The following SPIDR variants were observed in gnomAD, a reference collection of about 807,000 sequenced individuals.
SPIDR encodes the protein DNA repair-scaffolding protein.
SPIDR carries 93 observed loss-of-function variants against 104.6 expected under a neutral mutation model. The observed-to-expected ratio is 0.89, with a 90% confidence interval of 0.75 to 1.06. SPIDR has a LOEUF of 1.06. Among genes scored for constraint, SPIDR ranks in the 50% least tolerant of loss-of-function variants. SPIDR has a pLI of 0.00. For synonymous variants in SPIDR, 431 were observed against 416.9 expected (o/e 1.03, Z -0.41); for missense variants, 1,154 against 1,111.2 (o/e 1.04, Z -0.55).
intron 5 of SPIDR, among the ~76,000 whole-genome samples, chr8:47,369,835 T>C (rs1402287397): frequency 6.6e-6 from 1 of 152,200 alleles, no homozygotes; most frequent in African/African-American, 2.4e-5. Context: ...GATCTTATGG[T>C]CCAGTGCTGT....
intron 7 of SPIDR, among the ~76,000 whole-genome samples, chr8:47,412,907 C>T (rs1285737945): frequency 6.6e-6 from 1 of 152,194 alleles, no homozygotes; most frequent in Admixed American, 6.6e-5. Context: ...TTATAAACTT[C>T]TTTTGTTCTG....
intron 7 of SPIDR, among the ~76,000 whole-genome samples, chr8:47,437,033 T>A (rs1454438120): frequency 6.6e-6 from 1 of 152,200 alleles, no homozygotes; most frequent in Non-Finnish European, 1.5e-5. Context: ...TACAAGTTAT[T>A]TGGTGCTATA....
intron 14 of SPIDR, among the ~76,000 whole-genome samples, chr8:47,706,185 G>T (rs892058157): frequency 2.3e-4 from 35 of 152,140 alleles, no homozygotes; most frequent in Non-Finnish European, 7.3e-5. Context: ...AAGGTCAGGA[G>T]ATTGAGACCA....
intron 8 of SPIDR, among the ~76,000 whole-genome samples, chr8:47,577,441 G>C (rs185329303): frequency 1.3e-5 from 2 of 152,186 alleles, no homozygotes; most frequent in African/African-American, 4.8e-5. Context: ...ATGTGTGCTC[G>C]GTACAGTTGC....
At position 47,303,113 on chromosome 8, in the gene SPIDR, G is replaced by C. The variant is rs1420907217; in HGVS notation, c.525+9083G>C. On this transcript the variant is annotated intron_variant, in intron 5 of 19. Transcript: ENST00000297423. Reference sequence around the variant, plus strand: ...TCCACCCAGTTCCAGCTTCCCTGTGGCTTTGTTTACCTACTCAAGCCTTGG... The same window carrying C: ...TCCACCCAGTTCCAGCTTCCCTGTGCCTTTGTTTACCTACTCAAGCCTTGG... Among the ~76,000 whole-genome samples, 11 of 152,302 alleles carry C rather than the reference G, an allele frequency of 7.2e-5. No homozygotes were observed. In the East Asian group the frequency reaches 2.1e-3, roughly 29 times the overall value.
chr8:47,520,738 C>T (rs2083935369), intron 8 of SPIDR, among the ~76,000 whole-genome samples: 1 of 152,194 alleles, frequency 6.6e-6, no homozygotes, highest in African/African-American at 2.4e-5. Flanking sequence ...AAATAACTTG[C>T]TGAATTCCCA....
rs143200638 is a variant in SPIDR at position 47,267,482 on chromosome 8, A to G, written c.33+6491A>G. Among the ~76,000 whole-genome samples, 614 of 152,358 alleles carry G rather than the reference A, an allele frequency of 4.0e-3. 3 individuals carry two copies. The highest frequency in any genetic ancestry group is 0.022 in the South Asian group (106 of 4,832). Reference sequence around the variant, plus strand: ...CCTTTTACAGTCTCACCAGCAAGGAATGAACATTCTAATTTTGCCACATTC... The same window carrying G: ...CCTTTTACAGTCTCACCAGCAAGGAGTGAACATTCTAATTTTGCCACATTC... On this transcript the variant is annotated intron_variant, in intron 1 of 19. Transcript: ENST00000297423.
chr8:47,308,459 T>C (rs1563556635), intron 5 of SPIDR, among the ~76,000 whole-genome samples: 1 of 151,870 alleles, frequency 6.6e-6, no homozygotes, highest in South Asian at 2.1e-4. Context: ...AGGTGTAAGC[T>C]TAAGATTCTC....
At chr8:47,304,342 T>C (rs868951685) in intron 5 of SPIDR, among the ~76,000 whole-genome samples, 1,872 of 152,136 alleles carry the variant, frequency 0.012, 39 homozygotes, top group African/African-American at 0.043. Flanking sequence ...CTCACAATAG[T>C]GAGTGAGTTC....
chr8:47,725,897 C>T (rs138977351), intron 16 of SPIDR, among the ~76,000 whole-genome samples: 184 of 152,350 alleles, frequency 1.2e-3, no homozygotes, highest in African/African-American at 4.3e-3. Context: ...TAAAAAGGAA[C>T]TTTGGCTGGT....
At chr8:47,427,636 G>A (rs910708763) in intron 7 of SPIDR, among the ~76,000 whole-genome samples, 3 of 152,292 alleles carry the variant, frequency 2.0e-5, no homozygotes, top group Non-Finnish European at 4.4e-5. Context: ...TTAGGTGAGC[G>A]TCTCTGTGCA....
At chr8:47,647,639 A>AGAGAGAGAGAGAGG (rs2154450339) in intron 10 of SPIDR, among the ~76,000 whole-genome samples, 2 of 147,964 alleles carry the variant, frequency 1.4e-5, no homozygotes, top group South Asian at 4.4e-4. Context: ...AGAGAGAGAG[A>AGAGAGAGAGAGAGG]GAGAGAGAGA....
At chr8:47,538,882 A>C (rs2087509388) in intron 8 of SPIDR, among the ~76,000 whole-genome samples, 1 of 113,060 alleles carries the variant, frequency 8.8e-6, no homozygotes, top group Non-Finnish European at 1.7e-5. Context: ...TTTTTTTGAG[A>C]CAGAGTCTCA....
At chr8:47,459,813 C>T (rs529699695) in intron 8 of SPIDR, among the ~76,000 whole-genome samples, 1 of 152,148 alleles carries the variant, frequency 6.6e-6, no homozygotes, top group East Asian at 1.9e-4. Flanking sequence ...TGCCGTCTCC[C>T]AGGGCTTTTG....
intron 10 of SPIDR, among the ~76,000 whole-genome samples, chr8:47,631,466 C>A (rs936572444): frequency 6.6e-6 from 1 of 152,176 alleles, no homozygotes; most frequent in African/African-American, 2.4e-5. Flanking sequence ...TAAATGAATT[C>A]TAAAACCACA....
intron 18 of SPIDR, 163 bp downstream of exon 18, chr8:47,729,210 C>T (rs1464523004): frequency 1.4e-6 from 2 of 1,480,762 alleles, no homozygotes; most frequent in African/African-American, 2.8e-5. Context: ...CTAGGAGCTT[C>T]CCTAGGAAAG....
At chr8:47,515,154 A>G (rs1333434957) in intron 8 of SPIDR, among the ~76,000 whole-genome samples, 1 of 152,180 alleles carries the variant, frequency 6.6e-6, no homozygotes, top group Non-Finnish European at 1.5e-5. Context: ...ACTAGCCTTC[A>G]ACTGATTCTA....
chr8:47,668,820 C>T (rs1182854931), intron 10 of SPIDR, among the ~76,000 whole-genome samples: 6 of 152,088 alleles, frequency 3.9e-5, no homozygotes, highest in Non-Finnish European at 7.4e-5. Context: ...CAACACACAA[C>T]AACAAACAAA....
chr8:47,325,346 G>T (rs545338682), intron 5 of SPIDR, among the ~76,000 whole-genome samples: 76 of 152,212 alleles, frequency 5.0e-4, no homozygotes, highest in African/African-American at 1.8e-3. Context: ...GCAACATAAG[G>T]AAATTGATTT....
Sources: gnomAD v4.1 joint callset for allele counts (sites outside exome capture counted in the v4.1 genomes callset) on GRCh38, gnomAD v4.1.1 for gene constraint, MANE v1.5 for transcripts, NCBI Gene and HGNC (gene_info 2026-07-23, HGNC 2026-07-21) for gene names.